Variants in RGP1 observed in about 807,000 individuals in gnomAD.
The protein encoded by RGP1 is RAB6A-GEF complex partner protein 2.
In RGP1, 28 loss-of-function variants were observed where a neutral mutation model predicts 44.5. The observed-to-expected ratio is 0.63, with a 90% CI of 0.47 to 0.86. The LOEUF (loss-of-function observed/expected upper bound fraction) is 0.86, where lower values mean the gene tolerates loss of function less well. RGP1 is among the 40% of genes least tolerant of loss of function. The pLI is 0.00. For synonymous variants in RGP1, 212 were observed against 196.7 expected (o/e 1.08, Z -0.65); for missense variants, 417 against 490.7 (o/e 0.85, Z 1.42).
rs1827366544 is a variant in RGP1 at position 35,757,021 on chromosome 9, G to C, written c.*4147G>C. 1 of 152,456 alleles carries C rather than the reference G, an allele frequency of 6.6e-6. No homozygotes were observed. The highest frequency in any genetic ancestry group is 2.4e-5 in the African/African-American group (1 of 41,444). The allele number at this position is 152,456 out of a possible 1,614,324, so 9.4% of individuals were successfully genotyped here. ...ACCAGGCCCGCTGGGTCCTGGGGGC[G>C]CGGTGGCTGGCGCGCAGGTCCCGGA... On this transcript the variant is annotated 3_prime_UTR_variant, in exon 9 of 9. Coordinates refer to ENST00000378078, the MANE Select transcript of RGP1 (RefSeq NM_001080496.3).
the RGP1 span, among the ~76,000 whole-genome samples, chr9:35,770,492 GGAGAGA>G: frequency 0.051 from 5,407 of 106,912 alleles, 175 homozygotes; most frequent in Admixed American, 0.068. Flanking sequence ...GTATTACCAT[GGAGAGA>G]GAGAGAGAGA....
At chr9:35,773,960 C>T in the RGP1 span, among the ~76,000 whole-genome samples, 1 of 152,124 alleles carries the variant, frequency 6.6e-6, no homozygotes, top group Non-Finnish European at 1.5e-5. Context: ...TGAGCCACCA[C>T]ACCTGGCCCG....
In RGP1 at chr9:35,750,758, A is replaced by T; in HGVS notation, c.337+17A>T. ...CCAAATCATGTGAGTGATTGTCCCC[A>T]TCCCTGAATTGCCTTCTAAGTCTCC... is the stretch of plus-strand genomic sequence containing the variant. On this transcript the variant is annotated intron_variant, in intron 4 of 8. Coordinates refer to ENST00000378078, the MANE Select transcript of RGP1 (RefSeq NM_001080496.3). The T allele has an allele frequency of 6.2e-7, 1 of 1,613,914 alleles. No individual in the cohort carries two copies. Among genetic ancestry groups the T allele is most frequent in the African/African-American group, 1.3e-5 (1 of 75,024 alleles).
In RGP1 at chr9:35,751,395, C is replaced by T. The variant is rs1012566766; in HGVS notation, c.617C>T (p.Thr206Ile). The T allele has an allele frequency of 1.9e-6, 3 of 1,613,974 alleles. No individual in the cohort carries two copies. The highest frequency in any genetic ancestry group is 1.6e-4 in the Middle Eastern group (1 of 6,062). ...ELAGERLMAA[T>I]SCRSLHLYNI... ...GCTGGGGAACGCCTAATGGCTGCCA[C>T]ATCCTGCCGCAGCCTCCGTGAGAAT... is the stretch of plus-strand genomic sequence containing the variant. Residue 206 changes from threonine to isoleucine, a missense_variant, in exon 6 of 9, where the codon ACA becomes ATA. Physicochemically the swap from Thr to Ile is moderately conservative, Grantham distance 89 (BLOSUM62 -1). Transcript: ENST00000378078.
rs1435210142 is a variant in RGP1, at chr9:35,754,212, C to T, written c.*1338C>T. 59 of 1,505,494 alleles carry T rather than the reference C, an allele frequency of 3.9e-5. No homozygotes were observed. Among genetic ancestry groups the T allele is most frequent in the South Asian group, 3.3e-4 (26 of 78,308 alleles). The allele number at this position is 1,505,494 out of a possible 1,614,324, so 93.3% of individuals were successfully genotyped here. ...GACTCCTTGACTTTGCTTTGCGTTG[C>T]TCCTTGAGTCTTAGTTTCTGTCTTT... On this transcript the variant is annotated 3_prime_UTR_variant, in exon 9 of 9. Coordinates refer to ENST00000378078, the MANE Select transcript of RGP1 (RefSeq NM_001080496.3).
the RGP1 span, among the ~76,000 whole-genome samples, chr9:35,785,421 T>A: frequency 1.3e-5 from 1 of 74,360 alleles, no homozygotes; most frequent in East Asian, 5.2e-4. Flanking sequence ...GCAGCTGGGC[T>A]TTTTTTTTTT....
the RGP1 span, among the ~76,000 whole-genome samples, chr9:35,772,753 G>A: frequency 1.3e-5 from 2 of 149,902 alleles, no homozygotes; most frequent in South Asian, 2.1e-4. Flanking sequence ...ATCGGACCAC[G>A]GCACTCCAGC....
chr9:35,760,311 G>A (rs1827407695), downstream of RGP1, among the ~76,000 whole-genome samples: 1 of 152,070 alleles, frequency 6.6e-6, no homozygotes, highest in Non-Finnish European at 1.5e-5. Flanking sequence ...GAGTTTCTCA[G>A]TGACACTGTT....
the RGP1 span, among the ~76,000 whole-genome samples, chr9:35,764,115 C>T: frequency 6.6e-6 from 1 of 151,448 alleles, no homozygotes; most frequent in Non-Finnish European, 1.5e-5. Context: ...GAGACCCTGT[C>T]TTGAAAATAA....
At chr9:35,790,056 A>C in the RGP1 span, 1 of 153,544 alleles carries the variant, frequency 6.5e-6, no homozygotes, top group Non-Finnish European at 1.5e-5. Context: ...TAGTTGCTTA[A>C]AAATCAACTA....
chr9:35,771,891 C>A, the RGP1 span, among the ~76,000 whole-genome samples: 1 of 152,294 alleles, frequency 6.6e-6, no homozygotes. Flanking sequence ...AGGTATAACA[C>A]CATAAACCTG....
chr9:35,759,322 G>T (rs1426380971), downstream of RGP1, among the ~76,000 whole-genome samples: 1 of 152,008 alleles, frequency 6.6e-6, no homozygotes, highest in African/African-American at 2.4e-5. Flanking sequence ...CCCAACATTT[G>T]GGGAGGCCGA....
the RGP1 span, among the ~76,000 whole-genome samples, chr9:35,782,724 G>C: frequency 6.6e-6 from 1 of 151,970 alleles, no homozygotes; most frequent in Admixed American, 6.6e-5. Context: ...GGAATTACAG[G>C]TGTGAGCCAC....
At chr9:35,774,062 A>C in the RGP1 span, among the ~76,000 whole-genome samples, 3 of 152,240 alleles carry the variant, frequency 2.0e-5, no homozygotes, top group Non-Finnish European at 1.5e-5. Context: ...GTATTGGTGC[A>C]CAAACTTTAT....
In RGP1 at chr9:35,753,554, A is replaced by G; in HGVS notation, c.*680A>G. 2.0e-6 allele frequency: 2 copies of G among 1,002,282 alleles called. No individual in the cohort carries two copies. Among genetic ancestry groups the G allele is most frequent in the Non-Finnish European group, 3.0e-6 (2 of 662,862 alleles). 62.1% of individuals were successfully genotyped at this position (1,002,282 alleles called of 1,614,324 possible). A position where few individuals can be genotyped will look rare whatever the true frequency, so the allele number is the denominator to read the frequency against. ...TCCCTTCAGGTTTGGCCCATCTTGTATTGCTCTTCTGTTCATTCTTACATC... is the reference window on the plus strand; with the variant it reads ...TCCCTTCAGGTTTGGCCCATCTTGTGTTGCTCTTCTGTTCATTCTTACATC... On this transcript the variant is annotated 3_prime_UTR_variant, in exon 9 of 9. Coordinates refer to ENST00000378078, the MANE Select transcript of RGP1 (RefSeq NM_001080496.3). The surrounding 1 kb of genome is among the most constrained non-coding windows in gnomAD (Gnocchi z 4.2).
chr9:35,769,956 A>G, the RGP1 span, among the ~76,000 whole-genome samples: 4 of 152,232 alleles, frequency 2.6e-5, no homozygotes, highest in Non-Finnish European at 5.9e-5. Flanking sequence ...CAGCTCCTTC[A>G]CTGCCAAACC....
Position 35,754,263 on chromosome 9 carries a change from A to C in RGP1, c.*1389A>C, listed in dbSNP as rs934272613. ...CTCCCCTGGGCTCCTGTCTCACACT[A>C]TCTCCCTGCCCTCTGCTCTCACAGG... is the stretch of plus-strand genomic sequence containing the variant. On this transcript the variant is annotated 3_prime_UTR_variant, in exon 9 of 9. Transcript: ENST00000378078. 10 of 1,134,572 alleles carry C rather than the reference A, an allele frequency of 8.8e-6. No individual in the cohort carries two copies. The highest frequency in any genetic ancestry group is 1.2e-5 in the Non-Finnish European group (10 of 815,350). The allele number at this position is 1,134,572 out of a possible 1,614,324, so 70.3% of individuals were successfully genotyped here.
rs375058656 is a variant in RGP1 at position 35,749,930 on chromosome 9, G to T, written c.116+59G>T. 7.5e-5 allele frequency: 99 copies of T among 1,316,074 alleles called. No homozygotes were observed. The East Asian group carries it at 2.0e-3, about 26-fold the overall frequency. 81.5% of individuals were successfully genotyped at this position (1,316,074 alleles called of 1,614,324 possible). A position where few individuals can be genotyped will look rare whatever the true frequency, so the allele number is the denominator to read the frequency against. On this transcript the variant is annotated intron_variant, in intron 2 of 8. Coordinates refer to ENST00000378078, the MANE Select transcript of RGP1 (RefSeq NM_001080496.3). This position sits in a 1 kb window ranked among gnomAD's most constrained non-coding sequence, Gnocchi z 4.4. ...CTGGGAAGAAGCCAGATTATCTCTG[G>T]GGCTGAGGCAGAGCTCAGGTTGTCC...
chr9:35,753,033 G>A lies in RGP1; in HGVS notation c.*159G>A, dbSNP rs1020906181. 8 of 1,578,752 alleles carry A rather than the reference G, an allele frequency of 5.1e-6. No homozygotes were observed. The African/African-American group carries it at 1.1e-4, about 21-fold the overall frequency. ...TTTATTTGTTCAGAATACATTGGCA[G>A]CTGCTAGTGGTTTCCCTGGAAGTGG... On this transcript the variant is annotated 3_prime_UTR_variant, in exon 9 of 9. Coordinates refer to ENST00000378078, the MANE Select transcript of RGP1 (RefSeq NM_001080496.3). This position sits in a 1 kb window ranked among gnomAD's most constrained non-coding sequence, Gnocchi z 4.2.
Sources: gnomAD v4.1 joint callset for allele counts (sites outside exome capture counted in the v4.1 genomes callset) on GRCh38, gnomAD v4.1.1 for gene constraint, Gnocchi (gnomAD v3.1) non-coding constraint, MANE v1.5 for transcripts, NCBI Gene and HGNC (gene_info 2026-07-23, HGNC 2026-07-21) for gene names.